The following PLEKHG4B variants were observed in gnomAD, a reference collection of about 807,000 sequenced individuals.
PLEKHG4B encodes the protein pleckstrin homology domain-containing family G member 4B.
Under a neutral mutation model 121.3 loss-of-function variants are expected in PLEKHG4B, and 111 were observed. The observed-to-expected ratio is 0.92, with a 90% confidence interval of 0.78 to 1.07. The LOEUF is 1.07. Among genes scored for constraint, PLEKHG4B ranks in the 50% least tolerant of loss-of-function variants. PLEKHG4B has a pLI of 0.00. For missense variants in PLEKHG4B, 1,831 were observed against 1,757.8 expected, an observed-to-expected ratio of 1.04 and a Z score of -0.74; for synonymous variants, 738 against 725.0, an observed-to-expected ratio of 1.02 and a Z score of -0.29.
chr5:157,406 G>A lies in PLEKHG4B; in HGVS notation c.2487+495G>A, dbSNP rs1326664850. 6.6e-6 allele frequency among the ~76,000 whole-genome samples: 1 copy of A among 152,146 alleles called. No homozygotes were observed. Among genetic ancestry groups the A allele is most frequent in the East Asian group, 1.9e-4 (1 of 5,168 alleles). On this transcript the variant is annotated intron_variant, in intron 11 of 19. Coordinates refer to ENST00000637938, the MANE Select transcript of PLEKHG4B (RefSeq NM_052909.5). The surrounding 1 kb of genome is among the most constrained non-coding windows in gnomAD (Gnocchi z 4.6). Reference sequence around the variant, plus strand: ...AAGAAAAGAGGACAAATCGGGAGGGGGTGATGACGGAAGTGGCTTTTCATG... The same window carrying A: ...AAGAAAAGAGGACAAATCGGGAGGGAGTGATGACGGAAGTGGCTTTTCATG...
intron 7 of PLEKHG4B, among the ~76,000 whole-genome samples, chr5:153,249 A>C (rs1332778309): frequency 6.6e-6 from 1 of 152,158 alleles, no homozygotes; most frequent in African/African-American, 2.4e-5. Context: ...TCCTTGTCTA[A>C]TAATTCCAAC....
At chr5:98,870 T>C (rs1733710279) in intron 1 of PLEKHG4B, among the ~76,000 whole-genome samples, 1 of 122,576 alleles carries the variant, frequency 8.2e-6, no homozygotes, top group African/African-American at 3.8e-5. Context: ...AAAAAATTTT[T>C]TGGGGACCGG....
At chr5:142,163 C>T (rs1247917516) in intron 3 of PLEKHG4B, among the ~76,000 whole-genome samples, 1 of 152,216 alleles carries the variant, frequency 6.6e-6, no homozygotes, top group African/African-American at 2.4e-5. Context: ...ATTCTGTCGC[C>T]TCACTGCAAT....
Position 163,352 on chromosome 5 carries a change from G to C in PLEKHG4B, c.3280G>C (p.Gly1094Arg), listed in dbSNP as rs114920685. Residue 1094 changes from glycine to arginine, a missense_variant, in exon 13 of 20, where the codon GGC becomes CGC. Transcript: ENST00000637938. ...TTTCGAGATACCTCAGCCCGACAGT[G>C]GCCCCAGGGACTCCTGCCAGCCAGA... Reference protein sequence around the residue: ...QSFEIPQPDSGPRDSCQPDHT... With the variant: ...QSFEIPQPDSRPRDSCQPDHT... 81 of 1,613,304 alleles carry C rather than the reference G, an allele frequency of 5.0e-5. No homozygotes were observed. The East Asian group carries it at 1.7e-3, about 34-fold the overall frequency.
rs199986985 is a variant in PLEKHG4B, at chr5:169,319, C to T, written c.3477-21C>T. The T allele has an allele frequency of 4.3e-5, 69 of 1,612,724 alleles. No homozygotes were observed. In the East Asian group the frequency reaches 6.5e-4, roughly 15 times the overall value. On this transcript the variant is annotated intron_variant, in intron 13 of 19. Transcript: ENST00000637938. ...TGTCCGTGGGGGGCCGTGTGCCCCC[C>T]GGGATCTCTGTGTCTTCCAGCAGCC...
chr5:166,625 C>T (rs1470295248), intron 13 of PLEKHG4B, among the ~76,000 whole-genome samples: 3 of 149,882 alleles, frequency 2.0e-5, no homozygotes, highest in Non-Finnish European at 4.5e-5. Flanking sequence ...AACACTCCCT[C>T]GCCTGCCACT....
chr5:181,217 C>T (rs1264078949), intron 18 of PLEKHG4B, among the ~76,000 whole-genome samples: 1 of 152,198 alleles, frequency 6.6e-6, no homozygotes, highest in Non-Finnish European at 1.5e-5. Flanking sequence ...CCCTCCCTTG[C>T]TTACCAGCTG....
chr5:141,710 CAT>C (rs1735210552), intron 3 of PLEKHG4B, among the ~76,000 whole-genome samples: 1 of 126,492 alleles, frequency 7.9e-6, no homozygotes, highest in African/African-American at 3.6e-5. Context: ...TTAAATATTT[CAT>C]TTTTTTTTTT....
In PLEKHG4B at chr5:159,886, C is replaced by T. The variant is rs571679663; in HGVS notation, c.2488-1897C>T. On this transcript the variant is annotated intron_variant, in intron 11 of 19. Transcript: ENST00000637938. The surrounding 1 kb of genome is among the most constrained non-coding windows in gnomAD (Gnocchi z 5.5). Reference sequence around the variant, plus strand: ...GACTTGGCCTCTGCTCTCCTCAGGCCCTGCCACTCCCGCTTCCTTCCCGGC... The same window carrying T: ...GACTTGGCCTCTGCTCTCCTCAGGCTCTGCCACTCCCGCTTCCTTCCCGGC... 1.4e-4 allele frequency among the ~76,000 whole-genome samples: 22 copies of T among 152,242 alleles called. 1 individual carries two copies. Among genetic ancestry groups the T allele is most frequent in the Non-Finnish European group, 1.5e-5 (1 of 68,014 alleles).
intron 18 of PLEKHG4B, among the ~76,000 whole-genome samples, chr5:178,884 A>G (rs556454987): frequency 5.3e-5 from 8 of 152,240 alleles, no homozygotes; most frequent in Non-Finnish European, 1.2e-4. Context: ...ATGCTCCTAT[A>G]TACTTTAAAT....
chr5:131,740 A>C (rs1413197693), intron 2 of PLEKHG4B, among the ~76,000 whole-genome samples: 1 of 152,198 alleles, frequency 6.6e-6, no homozygotes, highest in Non-Finnish European at 1.5e-5. Context: ...ACAGTGTAAA[A>C]GTGTTCCTAT....
At chr5:161,319 CA>C (rs1217920715) in intron 11 of PLEKHG4B, among the ~76,000 whole-genome samples, 1 of 152,240 alleles carries the variant, frequency 6.6e-6, no homozygotes, top group African/African-American at 2.4e-5. Flanking sequence ...TAACCAGTTT[CA>C]AAATGGAAAG....
chr5:160,041 C>T (rs551857248), intron 11 of PLEKHG4B, among the ~76,000 whole-genome samples: 10 of 152,352 alleles, frequency 6.6e-5, no homozygotes, highest in Admixed American at 4.6e-4. Context: ...AGAAACTCCA[C>T]GTTGTGACCG....
At position 155,362 on chromosome 5, in the gene PLEKHG4B, T is replaced by A; in HGVS notation, c.2127T>A (p.Ala709=). Residue 709 remains alanine, a synonymous_variant, in exon 9 of 20, where the codon GCT becomes GCA. Transcript: ENST00000637938. ...CACAACAGAGGCTGGAACACTTCGC[T>A]GCAAACTGTGAAGAAGCCATCATTT... ...ICFRQRLEHF[A]ANCEEAIIFL... is the part of the protein sequence containing the mutation. The A allele has an allele frequency of 1.2e-6, 2 of 1,614,182 alleles. No homozygotes were observed. The highest frequency in any genetic ancestry group is 1.7e-6 in the Non-Finnish European group (2 of 1,180,012).
chr5:94,532 T>A (rs1733573158), intron 1 of PLEKHG4B, among the ~76,000 whole-genome samples: 1 of 142,394 alleles, frequency 7.0e-6, no homozygotes, highest in Non-Finnish European at 1.5e-5. Flanking sequence ...GTGTTGGTTC[T>A]GGGCCTGGGA....
intron 3 of PLEKHG4B, among the ~76,000 whole-genome samples, chr5:141,983 T>A (rs916261301): frequency 1.3e-5 from 2 of 152,152 alleles, no homozygotes; most frequent in African/African-American, 4.8e-5. Flanking sequence ...GAAACAGAAG[T>A]GTGGCCCAGC....
intron 17 of PLEKHG4B, among the ~76,000 whole-genome samples, chr5:173,460 A>C (rs1035155631): frequency 6.6e-6 from 1 of 152,006 alleles, no homozygotes; most frequent in Non-Finnish European, 1.5e-5. Flanking sequence ...GTGCTGAGGG[A>C]GGGGAGGTCC....
In PLEKHG4B at chr5:103,106, C is replaced by T. The variant is rs887939592; in HGVS notation, c.46-10145C>T. On this transcript the variant is annotated intron_variant, in intron 1 of 19. Transcript: ENST00000637938. The stretch of plus-strand genomic sequence containing the variant: ...CAGGAGCCTTGCCCTGGGATGGCTG[C>T]AGTGTTGTCTGTCTTCAACCTTGTG... Among the ~76,000 whole-genome samples the T allele has an allele frequency of 3.9e-5, 6 of 152,290 alleles. No individual in the cohort carries two copies. The East Asian group carries it at 1.2e-3, about 29-fold the overall frequency.
rs1242102155 is a variant in PLEKHG4B, at chr5:113,316, C to T, written c.111C>T (p.Ala37=). The part of the protein sequence containing the change: ...TLSALYPPFE[A]TAATVLWQLF... ...CTGCCTTGTACCCACCGTTTGAAGC[C>T]ACGGCAGCCACGGTGCTCTGGCAGC... Residue 37 remains alanine, a synonymous_variant, in exon 2 of 20, where the codon GCC becomes GCT. Transcript: ENST00000637938. The surrounding 1 kb of genome is among the most constrained non-coding windows in gnomAD (Gnocchi z 5.2). 12 of 398,964 alleles carry T rather than the reference C, an allele frequency of 3.0e-5. No individual in the cohort carries two copies. The highest frequency in any genetic ancestry group is 5.3e-5 in the Non-Finnish European group (12 of 226,116). 24.7% of individuals were successfully genotyped at this position (398,964 alleles called of 1,614,324 possible).
Sources: gnomAD v4.1 joint callset for allele counts (sites outside exome capture counted in the v4.1 genomes callset) on GRCh38, gnomAD v4.1.1 for gene constraint, Gnocchi (gnomAD v3.1) non-coding constraint, MANE v1.5 for transcripts, NCBI Gene and HGNC (gene_info 2026-07-23, HGNC 2026-07-21) for gene names.